The following SSBP2 variants were observed in gnomAD, a reference collection of about 807,000 sequenced individuals.
SSBP2 encodes the protein single-stranded DNA-binding protein 2.
Under a neutral mutation model 61.8 loss-of-function variants are expected in SSBP2, and 17 were observed. The ratio of observed to expected loss-of-function variants is 0.28; its 90% CI spans 0.19 to 0.41. The LOEUF (loss-of-function observed/expected upper bound fraction) is 0.41. Ranked by LOEUF, SSBP2 falls within the 10% of genes least tolerant of loss-of-function variation. The pLI is 1.00. For synonymous variants in SSBP2, 139 were observed against 141.3 expected, an observed-to-expected ratio of 0.98 and a Z score of 0.12; for missense variants, 310 against 458.7, an observed-to-expected ratio of 0.68 and a Z score of 2.96.
At chr5:81,473,486 GGT>G (rs1765386381) in intron 8 of SSBP2, among the ~76,000 whole-genome samples, 1 of 152,062 alleles carries the variant, frequency 6.6e-6, no homozygotes. Flanking sequence ...AAGAACACAC[GGT>G]GTTTGGTTTT....
chr5:81,602,980 T>C (rs1288709613), intron 4 of SSBP2, among the ~76,000 whole-genome samples: 1 of 152,214 alleles, frequency 6.6e-6, no homozygotes, highest in African/African-American at 2.4e-5. Flanking sequence ...GAACAGTCTT[T>C]CTACCCACCA....
At chr5:81,616,626 TG>T (rs1376146348) in intron 3 of SSBP2, 1 of 143,852 alleles carries the variant, frequency 7.0e-6, no homozygotes, top group African/African-American at 2.6e-5. Flanking sequence ...TGCCTGCCTC[TG>T]TAGGCTCCAC....
chr5:81,726,284 A>G (rs1189230201), intron 1 of SSBP2, among the ~76,000 whole-genome samples: 1 of 152,196 alleles, frequency 6.6e-6, no homozygotes, highest in Non-Finnish European at 1.5e-5. Flanking sequence ...TAGGAGATGT[A>G]ACTAAATCTG....
At chr5:81,657,072 G>A (rs1164388849) in intron 1 of SSBP2, among the ~76,000 whole-genome samples, 6 of 152,064 alleles carry the variant, frequency 3.9e-5, no homozygotes, top group Admixed American at 3.9e-4. Flanking sequence ...CTAGAGACTG[G>A]GGGCCTGGAA....
intron 5 of SSBP2, among the ~76,000 whole-genome samples, chr5:81,509,123 G>A (rs1768401841): frequency 6.6e-6 from 1 of 152,132 alleles, no homozygotes; most frequent in Admixed American, 6.6e-5. Context: ...TTTGAACCAG[G>A]AATTCCCTAA....
At chr5:81,561,695 G>A (rs896033838) in intron 4 of SSBP2, among the ~76,000 whole-genome samples, 1 of 151,914 alleles carries the variant, frequency 6.6e-6, no homozygotes, top group African/African-American at 2.4e-5. Flanking sequence ...TGGCAATGAA[G>A]AAGGAAAGAA....
chr5:81,599,014 A>C (rs915266735), intron 4 of SSBP2, among the ~76,000 whole-genome samples: 3 of 152,206 alleles, frequency 2.0e-5, no homozygotes, highest in African/African-American at 7.2e-5. Context: ...GCAATAACCT[A>C]GTATTACCAT....
intron 4 of SSBP2, among the ~76,000 whole-genome samples, chr5:81,518,137 T>C (rs1361476722): frequency 6.6e-6 from 1 of 152,110 alleles, no homozygotes; most frequent in East Asian, 1.9e-4. Context: ...TAATTTCATG[T>C]GTATGAAAAG....
intron 3 of SSBP2, among the ~76,000 whole-genome samples, chr5:81,623,934 G>C (rs1397112220): frequency 5.4e-4 from 82 of 152,036 alleles, no homozygotes; most frequent in Non-Finnish European, 2.9e-5. Flanking sequence ...ATCCTGTATT[G>C]CTTATACATG....
chr5:81,527,406 G>C (rs1352860783), intron 4 of SSBP2, among the ~76,000 whole-genome samples: 1 of 151,926 alleles, frequency 6.6e-6, no homozygotes, highest in Non-Finnish European at 1.5e-5. Flanking sequence ...CAATCAAAAG[G>C]GGGTTAGGAA....
chr5:81,671,024 G>A (rs1581305641), intron 1 of SSBP2, among the ~76,000 whole-genome samples: 2 of 151,990 alleles, frequency 1.3e-5, no homozygotes, highest in Non-Finnish European at 2.9e-5. Context: ...CAATATATCC[G>A]ACCTGTACTC....
intron 1 of SSBP2, among the ~76,000 whole-genome samples, chr5:81,680,078 C>T (rs1040821819): frequency 6.6e-6 from 1 of 151,822 alleles, no homozygotes; most frequent in Non-Finnish European, 1.5e-5. Context: ...GTTCCCAACA[C>T]CTGGCCCTGC....
intron 4 of SSBP2, among the ~76,000 whole-genome samples, chr5:81,570,442 G>A (rs1773748331): frequency 6.6e-6 from 1 of 152,126 alleles, no homozygotes; most frequent in African/African-American, 2.4e-5. Context: ...TAATTCAGAG[G>A]AAAGAACTAT....
chr5:81,564,313 A>G (rs141633360), intron 4 of SSBP2, among the ~76,000 whole-genome samples: 72 of 152,290 alleles, frequency 4.7e-4, no homozygotes, highest in African/African-American at 1.6e-3. Flanking sequence ...GGAAGGAGGA[A>G]GAACATGTTT....
Position 81,637,887 on chromosome 5 carries a change from C to A in SSBP2, c.136-1269G>T, listed in dbSNP as rs187422413. 2.6e-3 allele frequency among the ~76,000 whole-genome samples: 399 copies of A among 152,212 alleles called. 2 individuals are homozygous for A. Among genetic ancestry groups the A allele is most frequent in the African/African-American group, 9.3e-3 (387 of 41,520 alleles). ...AACAATGATAGACTGGATTAAGAAA[C>A]TGTGGCACATATACACCATGGAATA... is the stretch of plus-strand genomic sequence containing the variant. On this transcript the variant is annotated intron_variant, in intron 2 of 16. Coordinates refer to ENST00000320672, the MANE Select transcript of SSBP2 (RefSeq NM_012446.5).
intron 1 of SSBP2, among the ~76,000 whole-genome samples, chr5:81,736,218 T>C (rs986705183): frequency 6.6e-6 from 1 of 151,318 alleles, no homozygotes; most frequent in Non-Finnish European, 1.5e-5. Flanking sequence ...TTTTTGCTTC[T>C]AGAAACTATC....
intron 4 of SSBP2, among the ~76,000 whole-genome samples, chr5:81,555,076 C>A (rs1268954646): frequency 6.6e-6 from 1 of 152,010 alleles, no homozygotes; most frequent in African/African-American, 2.4e-5. Flanking sequence ...TCTGTAATTT[C>A]TGATTATTTT....
intron 4 of SSBP2, among the ~76,000 whole-genome samples, chr5:81,585,540 AAATTGTGT>A (rs1774993339): frequency 6.6e-6 from 1 of 151,138 alleles, no homozygotes; most frequent in South Asian, 2.1e-4. Context: ...CAATTGACAA[AAATTGTGT>A]GTGTGTATAT....
intron 1 of SSBP2, among the ~76,000 whole-genome samples, chr5:81,664,641 A>G (rs1750960112): frequency 6.6e-6 from 1 of 152,196 alleles, no homozygotes; most frequent in Non-Finnish European, 1.5e-5. Context: ...TCTCAATTAA[A>G]TACCATACTG....
Sources: allele counts gnomAD v4.1 joint callset (sites outside exome capture counted in the v4.1 genomes callset), GRCh38; gene constraint gnomAD v4.1.1; transcripts MANE v1.5; gene names NCBI Gene and HGNC (gene_info 2026-07-23, HGNC 2026-07-21).